Variants in TXNDC8 observed in about 807,000 individuals in gnomAD.
TXNDC8 encodes thioredoxin domain-containing protein 8.
In TXNDC8, 15 loss-of-function variants were observed where a neutral mutation model predicts 12.9. That is an observed-to-expected ratio of 1.16 (90% CI 0.78 to 1.79). The LOEUF (loss-of-function observed/expected upper bound fraction) is 1.79. Ranked by LOEUF, TXNDC8 falls within the 40% of genes most tolerant of loss-of-function variation. The pLI, the probability that TXNDC8 is intolerant of heterozygous loss-of-function variation, is 0.00. For missense variants in TXNDC8, 128 were observed against 113.2 expected (o/e 1.13, Z -0.59); for synonymous variants, 40 against 35.4 (o/e 1.13, Z -0.46).
Position 110,334,298 on chromosome 9 carries a change from G to C in TXNDC8, c.47C>G (p.Thr16Arg). 6.2e-7 allele frequency: 1 copy of C among 1,613,342 alleles called. No homozygotes were observed. The highest frequency in any genetic ancestry group is 1.1e-5 in the South Asian group (1 of 91,060). Reference sequence around the variant, plus strand: ...CACTGCGAGTTTGTGTCCGGCAGCTGTCAAAAATGTTTTAAATTCATTCTG... The same window carrying C: ...CACTGCGAGTTTGTGTCCGGCAGCTCTCAAAAATGTTTTAAATTCATTCTG... The change falls in exon 2 of 5, where the codon ACA (threonine) becomes AGA (arginine). Residue 16 changes from threonine (T) to arginine (R), a missense_variant. Thr to Arg is a moderately conservative substitution (Grantham distance 71). Coordinates refer to ENST00000423740, the MANE Select transcript of TXNDC8 (RefSeq NM_001286946.2).
chr9:110,303,569 A>G lies in TXNDC8; in HGVS notation c.*113T>C, dbSNP rs1838318028. 6.5e-7 allele frequency: 1 copy of G among 1,539,470 alleles called. No homozygotes were observed. The highest frequency in any genetic ancestry group is 8.8e-7 in the Non-Finnish European group (1 of 1,137,748). ...CTTCCAATTTTTTAGCATCGGCTCCACAAAACTCAAAAATCTGTTCACAAA... is the reference window on the plus strand; with the variant it reads ...CTTCCAATTTTTTAGCATCGGCTCCGCAAAACTCAAAAATCTGTTCACAAA... On this transcript the variant is annotated 3_prime_UTR_variant, in exon 5 of 5. Coordinates refer to ENST00000423740, the MANE Select transcript of TXNDC8 (RefSeq NM_001286946.2).
intron 3 of TXNDC8, among the ~76,000 whole-genome samples, chr9:110,325,360 A>G (rs1043743108): frequency 6.6e-6 from 1 of 152,130 alleles, no homozygotes; most frequent in Non-Finnish European, 1.5e-5. Flanking sequence ...GATTAAATAC[A>G]CTACTCAAGG....
intron 3 of TXNDC8, among the ~76,000 whole-genome samples, chr9:110,314,795 C>T (rs1442805785): frequency 1.3e-5 from 2 of 152,152 alleles, no homozygotes; most frequent in Non-Finnish European, 2.9e-5. Context: ...ACATTGTTTT[C>T]TCGTTTTATT....
At chr9:110,335,070 G>C (rs1398504222) in intron 1 of TXNDC8, among the ~76,000 whole-genome samples, 1 of 152,074 alleles carries the variant, frequency 6.6e-6, no homozygotes, top group Non-Finnish European at 1.5e-5. Context: ...TATGACAAGT[G>C]ACTGGTCCTA....
intron 1 of TXNDC8, among the ~76,000 whole-genome samples, chr9:110,335,540 C>T (rs1839715955): frequency 1.3e-5 from 2 of 152,220 alleles, no homozygotes; most frequent in African/African-American, 4.8e-5. Context: ...TTTACAACAA[C>T]ACTACAACGT....
intron 1 of TXNDC8, 84 bp downstream of exon 1, chr9:110,337,689 A>C: frequency 4.7e-6 from 6 of 1,283,790 alleles, no homozygotes; most frequent in Non-Finnish European, 5.6e-6. Context: ...TACTGGATAG[A>C]GAGAACACAT....
intron 3 of TXNDC8, among the ~76,000 whole-genome samples, chr9:110,312,878 A>G (rs1461815453): frequency 6.6e-6 from 1 of 152,058 alleles, no homozygotes; most frequent in African/African-American, 2.4e-5. Flanking sequence ...CTAAATTCTA[A>G]TTTCTCTTGG....
chr9:110,323,598 G>A, intron 3 of TXNDC8: 1 of 265,436 alleles, frequency 3.8e-6, no homozygotes, highest in Admixed American at 5.5e-5. Context: ...AGAGTAGCCT[G>A]GGAGAACACC....
chr9:110,303,012 C>T (rs1389937624), downstream of TXNDC8, among the ~76,000 whole-genome samples: 3 of 151,636 alleles, frequency 2.0e-5, no homozygotes, highest in Non-Finnish European at 4.4e-5. Context: ...TTCAGTGAGC[C>T]GAGATCATGC....
intron 2 of TXNDC8, among the ~76,000 whole-genome samples, chr9:110,330,112 C>A (rs758522186): frequency 6.6e-6 from 1 of 152,326 alleles, no homozygotes; most frequent in South Asian, 2.1e-4. Context: ...CAGCTGTGTT[C>A]ATACCTTAAG....
chr9:110,334,223 A>C lies in TXNDC8; in HGVS notation c.122T>G (p.Val41Gly), dbSNP rs758653488. 1 of 1,611,260 alleles carries C rather than the reference A, an allele frequency of 6.2e-7. No individual in the cohort carries two copies. Among genetic ancestry groups the C allele is most frequent in the Non-Finnish European group, 8.5e-7 (1 of 1,177,636 alleles). Residue 41 changes from valine (V) to glycine (G), a missense_variant, in exon 2 of 5, where the codon GTT (valine) becomes GGT (glycine). Coordinates refer to ENST00000423740, the MANE Select transcript of TXNDC8 (RefSeq NM_001286946.2). ...TATACTGGTTGTACTCACATGGAAA[A>C]CAGGAAACATCCTTTTGCAGGGACC...
At chr9:110,308,652 G>A (rs187032256) in intron 3 of TXNDC8, among the ~76,000 whole-genome samples, 1 of 151,574 alleles carries the variant, frequency 6.6e-6, no homozygotes, top group Non-Finnish European at 1.5e-5. Flanking sequence ...CTTGGTTTCT[G>A]TGTTTGCTTC....
chr9:110,309,747 T>C (rs989631125), intron 3 of TXNDC8, among the ~76,000 whole-genome samples: 5 of 152,300 alleles, frequency 3.3e-5, no homozygotes, highest in African/African-American at 1.2e-4. Context: ...AACTGAGGCA[T>C]GTAAGAGGGT....
chr9:110,324,237 A>G (rs1839222261), intron 3 of TXNDC8, among the ~76,000 whole-genome samples: 1 of 152,238 alleles, frequency 6.6e-6, no homozygotes, highest in Non-Finnish European at 1.5e-5. Flanking sequence ...ATGGGAGTGA[A>G]GGAGAAGATA....
At chr9:110,317,895 A>C (rs1838945110) in intron 3 of TXNDC8, among the ~76,000 whole-genome samples, 1 of 152,184 alleles carries the variant, frequency 6.6e-6, no homozygotes, top group Non-Finnish European at 1.5e-5. Flanking sequence ...TGGCCCTCCA[A>C]GTGTTCCTTG....
At chr9:110,335,147 G>C (rs185762604) in intron 1 of TXNDC8, among the ~76,000 whole-genome samples, 1 of 152,290 alleles carries the variant, frequency 6.6e-6, no homozygotes, top group East Asian at 1.9e-4. Flanking sequence ...ATTCATTCCT[G>C]TACCTCCCAT....
intron 2 of TXNDC8, among the ~76,000 whole-genome samples, chr9:110,330,169 G>A (rs1275032446): frequency 6.6e-6 from 1 of 152,192 alleles, no homozygotes; most frequent in Non-Finnish European, 1.5e-5. Flanking sequence ...CATATCTCAT[G>A]TATTTCTAGT....
intron 3 of TXNDC8, among the ~76,000 whole-genome samples, chr9:110,319,273 A>G (rs892577618): frequency 2.0e-5 from 3 of 152,208 alleles, no homozygotes; most frequent in African/African-American, 7.2e-5. Context: ...TGCTAAGATG[A>G]CTTAGCTTAA....
intron 3 of TXNDC8, among the ~76,000 whole-genome samples, chr9:110,312,211 T>C (rs889097937): frequency 6.6e-6 from 1 of 152,226 alleles, no homozygotes; most frequent in African/African-American, 2.4e-5. Flanking sequence ...CATATTTGTT[T>C]CTCTCTACCT....
Sources: gnomAD v4.1 joint callset for allele counts (sites outside exome capture counted in the v4.1 genomes callset) on GRCh38, gnomAD v4.1.1 for gene constraint, MANE v1.5 for transcripts, NCBI Gene and HGNC (gene_info 2026-07-23, HGNC 2026-07-21) for gene names.